Variants in TTC21B observed in about 807,000 individuals in gnomAD.
The protein encoded by TTC21B is tetratricopeptide repeat domain 21B.
TTC21B carries 127 observed loss-of-function variants against 175.1 expected under a neutral mutation model. The observed-to-expected ratio is 0.73, with a 90% CI of 0.63 to 0.84. TTC21B has a LOEUF of 0.84. TTC21B is among the 40% of genes least tolerant of loss of function. The probability of loss-of-function intolerance (pLI) is 0.00; values close to 1 mark genes in which losing one functional copy is unlikely to be tolerated. For synonymous variants in TTC21B, 524 were observed against 524.5 expected (o/e 1.00, Z 0.01); for missense variants, 1,561 against 1,558.3 (o/e 1.00, Z -0.03).
intron 22 of TTC21B, among the ~76,000 whole-genome samples, chr2:165,897,214 G>C (rs1049840337): frequency 2.0e-5 from 3 of 152,164 alleles, no homozygotes; most frequent in Non-Finnish European, 4.4e-5. Flanking sequence ...CATTTTCAAT[G>C]AAAGTATTTC....
At chr2:165,935,630 G>A (rs1451483556) in intron 6 of TTC21B, among the ~76,000 whole-genome samples, 4 of 152,076 alleles carry the variant, frequency 2.6e-5, no homozygotes, top group African/African-American at 7.2e-5. Context: ...AGGATATGAG[G>A]TTAATATATA....
intron 6 of TTC21B, among the ~76,000 whole-genome samples, chr2:165,935,931 C>T (rs1687121413): frequency 6.7e-6 from 1 of 149,940 alleles, no homozygotes; most frequent in Admixed American, 6.7e-5. Context: ...ATCAAAATCC[C>T]AGCAAGTTAT....
intron 19 of TTC21B, among the ~76,000 whole-genome samples, chr2:165,902,363 T>C (rs548114674): frequency 1.3e-5 from 2 of 152,336 alleles, no homozygotes; most frequent in South Asian, 4.1e-4. Flanking sequence ...AAAATAAAAT[T>C]TATGTTTTAG....
At chr2:165,886,840 A>G (rs1685014401) in intron 25 of TTC21B, among the ~76,000 whole-genome samples, 1 of 152,142 alleles carries the variant, frequency 6.6e-6, no homozygotes, top group East Asian at 1.9e-4. Flanking sequence ...GCGCTTCCTC[A>G]TGTTCCTAGA....
intron 11 of TTC21B, among the ~76,000 whole-genome samples, chr2:165,928,390 A>G (rs1686757621): frequency 6.6e-6 from 1 of 152,170 alleles, no homozygotes; most frequent in Admixed American, 6.5e-5. Flanking sequence ...ATAAAAAGAA[A>G]GTTGGATGGA....
In TTC21B at chr2:165,874,698, C is replaced by A; in HGVS notation, c.*57G>T. 1.3e-6 allele frequency: 2 copies of A among 1,501,044 alleles called. No individual in the cohort carries two copies. The highest frequency in any genetic ancestry group is 1.9e-6 in the Non-Finnish European group (2 of 1,077,746). 93.0% of individuals were successfully genotyped at this position (1,501,044 alleles called of 1,614,324 possible). A position where few individuals can be genotyped will look rare whatever the true frequency, so the allele number is the denominator to read the frequency against. ...TCAAACCTGTTTTGAACAGGAAGAA[C>A]TGAAAGTTAGATTTCTTTCATTTCC... On this transcript the variant is annotated 3_prime_UTR_variant, in exon 29 of 29. Coordinates refer to ENST00000243344, the MANE Select transcript of TTC21B (RefSeq NM_024753.5).
At chr2:165,911,643 C>T (rs1192413949) in intron 17 of TTC21B, among the ~76,000 whole-genome samples, 178 bp from the exon 18 acceptor site, 10 of 151,298 alleles carry the variant, frequency 6.6e-5, no homozygotes, top group Non-Finnish European at 1.3e-4. Flanking sequence ...TAGATCATCA[C>T]ATGAAACAAC....
chr2:165,877,645 T>C (rs1011655990), intron 27 of TTC21B, among the ~76,000 whole-genome samples: 1 of 152,166 alleles, frequency 6.6e-6, no homozygotes, highest in African/African-American at 2.4e-5. Context: ...GATGCATATC[T>C]CAGAAGATTT....
chr2:165,882,151 T>G (rs540375460), intron 26 of TTC21B, among the ~76,000 whole-genome samples: 1 of 152,282 alleles, frequency 6.6e-6, no homozygotes, highest in South Asian at 2.1e-4. Context: ...TGATTCTCCC[T>G]CTTTTTGTGA....
intron 19 of TTC21B, among the ~76,000 whole-genome samples, chr2:165,903,460 G>A (rs957633928): frequency 6.6e-6 from 1 of 152,168 alleles, no homozygotes; most frequent in Non-Finnish European, 1.5e-5. Context: ...AAGCTACTAT[G>A]CCATGTTTAT....
intron 7 of TTC21B, among the ~76,000 whole-genome samples, 187 bp from the exon 8 acceptor site, chr2:165,932,043 A>C (rs1000425339): frequency 6.6e-6 from 1 of 152,144 alleles, no homozygotes; most frequent in African/African-American, 2.4e-5. Context: ...CAAACTCAAT[A>C]ATTATAAATG....
At chr2:165,897,694 G>C (rs1417380994) in intron 22 of TTC21B, among the ~76,000 whole-genome samples, 6 of 152,118 alleles carry the variant, frequency 3.9e-5, no homozygotes, top group Non-Finnish European at 5.9e-5. Flanking sequence ...AGTCACCTAG[G>C]GGGTGAATAT....
At chr2:165,940,735 A>C (rs1687332825) in intron 6 of TTC21B, among the ~76,000 whole-genome samples, 1 of 152,082 alleles carries the variant, frequency 6.6e-6, no homozygotes, top group Non-Finnish European at 1.5e-5. Flanking sequence ...CAATATACTT[A>C]TTTGGTGTGC....
intron 25 of TTC21B, among the ~76,000 whole-genome samples, chr2:165,885,831 T>C (rs1007459211): frequency 6.6e-6 from 1 of 152,220 alleles, no homozygotes; most frequent in Non-Finnish European, 1.5e-5. Context: ...GGTGCAGACA[T>C]CCTAAGACCT....
chr2:165,941,304 A>G, intron 5 of TTC21B, 120 bp from the exon 6 acceptor site: 1 of 1,126,748 alleles, frequency 8.9e-7, no homozygotes, highest in Non-Finnish European at 1.3e-6. Flanking sequence ...AGCAGTTATC[A>G]CTTTTTAAGT....
chr2:165,946,430 A>C (rs1337640837), intron 3 of TTC21B, among the ~76,000 whole-genome samples: 1 of 152,226 alleles, frequency 6.6e-6, no homozygotes, highest in East Asian at 1.9e-4. Context: ...TTTAGACTCA[A>C]GTTACTCCTA....
intron 25 of TTC21B, among the ~76,000 whole-genome samples, 162 bp downstream of exon 25, chr2:165,888,117 C>T (rs1042899743): frequency 6.6e-6 from 1 of 152,124 alleles, no homozygotes; most frequent in Non-Finnish European, 1.5e-5. Flanking sequence ...TCGTCTCTTC[C>T]GCCAAGAAGG....
At chr2:165,918,380 T>C (rs915004240) in intron 13 of TTC21B, among the ~76,000 whole-genome samples, 1 of 152,124 alleles carries the variant, frequency 6.6e-6, no homozygotes, top group Non-Finnish European at 1.5e-5. Context: ...CTGCAAGCGC[T>C]GCCTCCCAGG....
intron 18 of TTC21B, among the ~76,000 whole-genome samples, chr2:165,910,706 T>G (rs912990753): frequency 1.3e-5 from 2 of 151,962 alleles, no homozygotes; most frequent in African/African-American, 4.8e-5. Flanking sequence ...TAGAAGAAAA[T>G]AAGATATATA....
Sources: allele counts gnomAD v4.1 joint callset (sites outside exome capture counted in the v4.1 genomes callset), GRCh38; gene constraint gnomAD v4.1.1; transcripts MANE v1.5; gene names NCBI Gene and HGNC (gene_info 2026-07-23, HGNC 2026-07-21).